EXD3: variants seen among roughly 807,000 people sequenced by gnomAD.
The protein encoded by EXD3 is exonuclease 3'-5' domain containing 3, also known as exonuclease mut-7 homolog.
EXD3 carries 92 observed loss-of-function variants against 98.0 expected under a neutral mutation model. The ratio of observed to expected loss-of-function variants is 0.94; its 90% CI spans 0.79 to 1.12. The LOEUF (loss-of-function observed/expected upper bound fraction) is 1.12. Among genes scored for constraint, EXD3 ranks in the 50% most tolerant of loss-of-function variants. The probability of loss-of-function intolerance (pLI) is 0.00; values close to 1 mark genes in which losing one functional copy is unlikely to be tolerated. For missense variants in EXD3, 1,222 were observed against 1,191.6 expected (o/e 1.03, Z -0.38); for synonymous variants, 569 against 526.0 (o/e 1.08, Z -1.12).
chr9:137,308,482 G>T (rs924222369), intron 20 of EXD3, among the ~76,000 whole-genome samples: 1 of 152,022 alleles, frequency 6.6e-6, no homozygotes, highest in South Asian at 2.1e-4. Flanking sequence ...GGTGTGTGCC[G>T]TCATGTCCTG....
At chr9:137,312,428 C>G (rs1417320031) in intron 19 of EXD3, among the ~76,000 whole-genome samples, 1 of 152,232 alleles carries the variant, frequency 6.6e-6, no homozygotes, top group Non-Finnish European at 1.5e-5. Context: ...CCAGCCCTGA[C>G]ACAGGGCACT....
chr9:137,319,249 T>A (rs545727178), intron 19 of EXD3, among the ~76,000 whole-genome samples: 1 of 152,284 alleles, frequency 6.6e-6, no homozygotes, highest in South Asian at 2.1e-4. Context: ...TCCAGATGGG[T>A]CATAGCCAGC....
At chr9:137,328,182 A>C (rs1001574584) in intron 17 of EXD3, among the ~76,000 whole-genome samples, 1 of 144,110 alleles carries the variant, frequency 6.9e-6, no homozygotes, top group African/African-American at 2.6e-5. Flanking sequence ...ATACACCAAT[A>C]TGATGAGTAA....
rs148324664 is a variant in EXD3 at position 137,373,136 on chromosome 9, T to A, written c.295-64A>T. Reference sequence around the variant, plus strand: ...CCAGTGGCTGGGCCATGGGGCCGATTGAGGCAGGCCTGGCTTAGGAAGCAG... The same window carrying A: ...CCAGTGGCTGGGCCATGGGGCCGATAGAGGCAGGCCTGGCTTAGGAAGCAG... On this transcript the variant is annotated intron_variant, in intron 4 of 21. Transcript: ENST00000340951. The A allele has an allele frequency of 1.7e-4, 255 of 1,495,746 alleles. 3 individuals carry two copies. The highest frequency in any genetic ancestry group is 1.2e-3 in the East Asian group (54 of 43,976). The allele number at this position is 1,495,746 out of a possible 1,614,324, so 92.7% of individuals were successfully genotyped here. A position where few individuals can be genotyped will look rare whatever the true frequency, so the allele number is the denominator to read the frequency against.
chr9:137,343,992 C>T lies in EXD3; in HGVS notation c.1998+4079G>A, dbSNP rs367831266. 5.1e-4 allele frequency among the ~76,000 whole-genome samples: 73 copies of T among 142,360 alleles called. 1 individual carries two copies. Among genetic ancestry groups the T allele is most frequent in the East Asian group, 2.4e-3 (11 of 4,646 alleles). The allele number at this position is 142,360 out of a possible 152,430, so 93.4% of individuals were successfully genotyped here. On this transcript the variant is annotated intron_variant, in intron 17 of 21. Transcript: ENST00000340951. ...CTGCAATCTCCACCCCCTGGGTTCA[C>T]GCCATTCTCCTGCCTCAGTCTCCCA...
chr9:137,395,133 C>T lies in EXD3; in HGVS notation c.55+170G>A, dbSNP rs1162961670. ...GACAACAAGGCCACAGTGGGGCCTC[C>T]GGACTCACAAGGTCCCAAGCCGTGG... On this transcript the variant is annotated intron_variant, in intron 2 of 21. Coordinates refer to ENST00000340951, the MANE Select transcript of EXD3 (RefSeq NM_017820.5). This position sits in a 1 kb window ranked among gnomAD's most constrained non-coding sequence, Gnocchi z 6.5. Among the ~76,000 whole-genome samples the T allele has an allele frequency of 6.6e-6, 1 of 152,100 alleles. No individual in the cohort carries two copies. Among genetic ancestry groups the T allele is most frequent in the Non-Finnish European group, 1.5e-5 (1 of 67,990 alleles).
chr9:137,367,694 C>T (rs1835337809), intron 6 of EXD3: 2 of 487,448 alleles, frequency 4.1e-6, no homozygotes, highest in East Asian at 3.8e-5. Flanking sequence ...ACGGAGCACA[C>T]TCAGGGCTTC....
rs1335070763 is a variant in EXD3, at chr9:137,324,899, A to G, written c.1999-756T>C. ...AGTAGAGACGGGGTTTCACCGTGTTAGCCAGGATGGTCTCGATCTCCTGAC... is the reference window on the plus strand; with the variant it reads ...AGTAGAGACGGGGTTTCACCGTGTTGGCCAGGATGGTCTCGATCTCCTGAC... On this transcript the variant is annotated intron_variant, in intron 17 of 21. Coordinates refer to ENST00000340951, the MANE Select transcript of EXD3 (RefSeq NM_017820.5). This position sits in a 1 kb window ranked among gnomAD's most constrained non-coding sequence, Gnocchi z 4.1. Among the ~76,000 whole-genome samples, 1 of 151,928 alleles carries G rather than the reference A, an allele frequency of 6.6e-6. No homozygotes were observed. Among genetic ancestry groups the G allele is most frequent in the Non-Finnish European group, 1.5e-5 (1 of 67,976 alleles).
chr9:137,392,806 TGGG>T (rs1242427981), intron 2 of EXD3: 1 of 166,702 alleles, frequency 6.0e-6, no homozygotes, highest in African/African-American at 7.6e-5. Context: ...GGCTGTTCTG[TGGG>T]GGGGCGCCGT....
chr9:137,365,516 GCA>G (rs1282836581), intron 7 of EXD3: 1 of 157,592 alleles, frequency 6.3e-6, no homozygotes, highest in Admixed American at 6.2e-5. Context: ...ACACCTGCAG[GCA>G]CACACACGTA....
intron 1 of EXD3, among the ~76,000 whole-genome samples, chr9:137,401,821 C>A (rs1446184393): frequency 3.9e-5 from 6 of 152,190 alleles, no homozygotes; most frequent in Admixed American, 6.5e-5. Context: ...ATGGGAGGGG[C>A]TGCCATGAAG....
intron 19 of EXD3, among the ~76,000 whole-genome samples, chr9:137,314,291 G>A (rs1359807356): frequency 6.6e-6 from 1 of 152,190 alleles, no homozygotes; most frequent in African/African-American, 2.4e-5. Context: ...ACTGTCCCCT[G>A]CTGTGGCACT....
intron 17 of EXD3, among the ~76,000 whole-genome samples, chr9:137,327,243 C>T (rs1196352087): frequency 3.3e-5 from 5 of 151,626 alleles, no homozygotes; most frequent in Non-Finnish European, 2.9e-5. Context: ...ACGCCATTCT[C>T]CTGCCTCAGC....
At chr9:137,313,795 G>T (rs1831489813) in intron 19 of EXD3, among the ~76,000 whole-genome samples, 1 of 152,184 alleles carries the variant, frequency 6.6e-6, no homozygotes, top group Non-Finnish European at 1.5e-5. Context: ...GGAGCAACAG[G>T]ACATTTCTGC....
At chr9:137,366,282 C>G in intron 7 of EXD3, 1 of 732,434 alleles carries the variant, frequency 1.4e-6, no homozygotes, top group East Asian at 2.7e-5. Flanking sequence ...TCTTTTCACT[C>G]GGGAGAAGAG....
intron 1 of EXD3, among the ~76,000 whole-genome samples, chr9:137,397,462 G>T (rs1425928993): frequency 6.6e-6 from 1 of 152,122 alleles, no homozygotes; most frequent in African/African-American, 2.4e-5. Flanking sequence ...CCTAAATCCA[G>T]AGTTTCCACA....
rs988942819 is a variant in EXD3, at chr9:137,310,860, G to A, written c.2185-1160C>T. 3.9e-5 allele frequency among the ~76,000 whole-genome samples: 6 copies of A among 152,278 alleles called. No homozygotes were observed. In the East Asian group the frequency reaches 9.7e-4, roughly 25 times the overall value. On this transcript the variant is annotated intron_variant, in intron 19 of 21. Coordinates refer to ENST00000340951, the MANE Select transcript of EXD3 (RefSeq NM_017820.5). ...GGGCTTCCAGGCCATCTGTGCAGGGGAGCAGGGAAGAGGAGGCCGAGATCC... is the reference window on the plus strand; with the variant it reads ...GGGCTTCCAGGCCATCTGTGCAGGGAAGCAGGGAAGAGGAGGCCGAGATCC...
intron 2 of EXD3, among the ~76,000 whole-genome samples, chr9:137,389,234 C>G (rs1394962596): frequency 6.6e-6 from 1 of 152,320 alleles, no homozygotes; most frequent in Admixed American, 6.5e-5. Flanking sequence ...ACCCCAAGCC[C>G]GGCGGACAGC....
chr9:137,366,911 G>A (rs1340840943), intron 6 of EXD3, among the ~76,000 whole-genome samples: 1 of 152,250 alleles, frequency 6.6e-6, no homozygotes, highest in Non-Finnish European at 1.5e-5. Context: ...ATGTGGGGAG[G>A]CAGGACCAAG....
Sources: gnomAD v4.1 joint callset for allele counts (sites outside exome capture counted in the v4.1 genomes callset) on GRCh38, gnomAD v4.1.1 for gene constraint, Gnocchi (gnomAD v3.1) non-coding constraint, MANE v1.5 for transcripts, NCBI Gene and HGNC (gene_info 2026-07-23, HGNC 2026-07-21) for gene names.